Variants in PRKN observed in about 807,000 individuals in gnomAD.
PRKN encodes parkin RBR E3 ubiquitin protein ligase.
A neutral mutation model predicts 59.5 loss-of-function variants in PRKN; 56 were observed. The ratio of observed to expected loss-of-function variants is 0.94; its 90% confidence interval spans 0.76 to 1.18. PRKN has a LOEUF of 1.18. Among genes scored for constraint, PRKN ranks in the 50% most tolerant of loss-of-function variants. PRKN has a pLI of 0.00. For synonymous variants in PRKN, 250 were observed against 222.1 expected, an observed-to-expected ratio of 1.13 and a Z score of -1.12; for missense variants, 657 against 596.4, an observed-to-expected ratio of 1.10 and a Z score of -1.06.
chr6:161,965,356 T>C (rs1180171410), intron 6 of PRKN, among the ~76,000 whole-genome samples: 1 of 152,080 alleles, frequency 6.6e-6, no homozygotes, highest in Non-Finnish European at 1.5e-5. Flanking sequence ...TTAAATTTAA[T>C]GCCCAACAGG....
intron 9 of PRKN, among the ~76,000 whole-genome samples, chr6:161,515,926 G>A (rs1002190597): frequency 1.8e-4 from 28 of 152,240 alleles, no homozygotes; most frequent in East Asian, 1.7e-3. Context: ...GATAATTTCT[G>A]GCAAAGGAGA....
At chr6:162,434,610 A>G (rs1789686652) in intron 2 of PRKN, among the ~76,000 whole-genome samples, 1 of 152,202 alleles carries the variant, frequency 6.6e-6, no homozygotes, top group Non-Finnish European at 1.5e-5. Flanking sequence ...ATACTTTAAC[A>G]TAAACTATTA....
At chr6:162,176,566 G>A (rs528938355) in intron 4 of PRKN, among the ~76,000 whole-genome samples, 2 of 150,988 alleles carry the variant, frequency 1.3e-5, no homozygotes, top group East Asian at 3.9e-4. Context: ...ACATATGAAA[G>A]GAAATTTCAG....
At chr6:162,651,824 T>A (rs1158621779) in intron 1 of PRKN, among the ~76,000 whole-genome samples, 1 of 146,146 alleles carries the variant, frequency 6.8e-6, no homozygotes, top group African/African-American at 2.7e-5. Context: ...ATAATATTTC[T>A]AAATTGCTAT....
rs139962000 is a variant in PRKN at position 162,461,769 on chromosome 6, T to C, written c.8-18296A>G. On this transcript the variant is annotated intron_variant, in intron 1 of 11. Transcript: ENST00000366898. ...TGAACTTGGGAGGTGGAGGTTGCAG[T>C]GAGCCAAGATCACGCCACTGCACTG... Among the ~76,000 whole-genome samples the C allele has an allele frequency of 6.5e-3, 983 of 150,154 alleles. 10 individuals are homozygous for C. The highest frequency in any genetic ancestry group is 0.018 in the South Asian group (87 of 4,730).
In PRKN at chr6:161,949,117, T is replaced by C. The variant is rs771031000; in HGVS notation, c.734+24185A>G. On this transcript the variant is annotated intron_variant, in intron 6 of 11. Transcript: ENST00000366898. The stretch of plus-strand genomic sequence containing the variant: ...GGTGGACTTCAGCGGGGTAGTTCCA[T>C]GCAGGACATGATCCACACAACGCTA... Among the ~76,000 whole-genome samples, 87 of 152,114 alleles carry C rather than the reference T, an allele frequency of 5.7e-4. 2 individuals are homozygous for C. Among genetic ancestry groups the C allele is most frequent in the Admixed American group, 1.3e-4 (2 of 15,272 alleles).
At chr6:162,359,059 C>CAAAAAA (rs71692740) in intron 2 of PRKN, among the ~76,000 whole-genome samples, 2 of 92,596 alleles carry the variant, frequency 2.2e-5, no homozygotes, top group Admixed American at 1.2e-4. Flanking sequence ...CACACTGTGG[C>CAAAAAA]AAAAAAAAAA....
intron 9 of PRKN, among the ~76,000 whole-genome samples, chr6:161,436,832 C>CCT (rs957734919): frequency 6.6e-6 from 1 of 151,906 alleles, no homozygotes; most frequent in Non-Finnish European, 1.5e-5. Flanking sequence ...ATTGGCCTTT[C>CCT]CTCTCTCTCT....
intron 1 of PRKN, 96 bp from the exon 2 acceptor site, chr6:162,443,569 A>G: frequency 1.8e-6 from 2 of 1,094,654 alleles, no homozygotes; most frequent in Non-Finnish European, 2.8e-6. Context: ...TACCCCTCGC[A>G]GCCCTTCAGT....
intron 4 of PRKN, among the ~76,000 whole-genome samples, chr6:162,102,975 A>G (rs1780037643): frequency 6.6e-6 from 1 of 150,960 alleles, no homozygotes; most frequent in Non-Finnish European, 1.5e-5. Flanking sequence ...CCCGGGAGGC[A>G]GAGCTTGCAG....
At chr6:161,583,290 T>C (rs1192741820) in intron 7 of PRKN, among the ~76,000 whole-genome samples, 2 of 152,112 alleles carry the variant, frequency 1.3e-5, no homozygotes, top group African/African-American at 4.8e-5. Context: ...TTAGGACAAA[T>C]GGTGTTAAGC....
chr6:162,613,550 T>C (rs1330331423), intron 1 of PRKN, among the ~76,000 whole-genome samples: 1 of 152,222 alleles, frequency 6.6e-6, no homozygotes, highest in Non-Finnish European at 1.5e-5. Flanking sequence ...CCAAGACAGC[T>C]GAACTCTCAT....
Position 161,545,267 on chromosome 6 carries a change from T to A in PRKN, c.1083+3587A>T, listed in dbSNP as rs1779756657. The A allele has an allele frequency of 6.9e-7, 1 of 1,440,920 alleles. No homozygotes were observed. The highest frequency in any genetic ancestry group is 1.4e-5 in the African/African-American group (1 of 69,770). The allele number at this position is 1,440,920 out of a possible 1,614,324, so 89.3% of individuals were successfully genotyped here. ...TCACAGGCATCTTACAATAAATCTG[T>A]GAACCACATCCTGATAATCACTGGA... On this transcript the variant is annotated intron_variant, in intron 9 of 11. Coordinates refer to ENST00000366898, the MANE Select transcript of PRKN (RefSeq NM_004562.3). The surrounding 1 kb of genome is among the most constrained non-coding windows in gnomAD (Gnocchi z 4.1).
intron 6 of PRKN, among the ~76,000 whole-genome samples, chr6:161,966,306 G>A (rs1780577371): frequency 6.6e-6 from 1 of 150,968 alleles, no homozygotes; most frequent in Non-Finnish European, 1.5e-5. Flanking sequence ...ATCTTGATAA[G>A]GATTTTTCTA....
At chr6:161,873,269 C>A (rs1794419002) in intron 6 of PRKN, among the ~76,000 whole-genome samples, 1 of 151,874 alleles carries the variant, frequency 6.6e-6, no homozygotes, top group Admixed American at 6.6e-5. Context: ...CCTGTAGAAA[C>A]GGTCTCTCCT....
At position 161,461,368 on chromosome 6, in the gene PRKN, A is replaced by C. The variant is rs1413921932; in HGVS notation, c.1084-74491T>G. On this transcript the variant is annotated intron_variant, in intron 9 of 11. Coordinates refer to ENST00000366898, the MANE Select transcript of PRKN (RefSeq NM_004562.3). The surrounding 1 kb of genome is among the most constrained non-coding windows in gnomAD (Gnocchi z 5.1). ...CCAGAGGGTCCAGAAAACAAAGTAGATGGTCTTAAGGAGCTGAGGTTTTTA... is the reference window on the plus strand; with the variant it reads ...CCAGAGGGTCCAGAAAACAAAGTAGCTGGTCTTAAGGAGCTGAGGTTTTTA... Among the ~76,000 whole-genome samples the C allele has an allele frequency of 6.6e-6, 1 of 152,084 alleles. No individual in the cohort carries two copies. Among genetic ancestry groups the C allele is most frequent in the Non-Finnish European group, 1.5e-5 (1 of 68,016 alleles).
chr6:162,469,001 G>A (rs1272632060), intron 1 of PRKN, among the ~76,000 whole-genome samples: 1 of 152,074 alleles, frequency 6.6e-6, no homozygotes, highest in Non-Finnish European at 1.5e-5. Flanking sequence ...TCCTACCAAT[G>A]AATCCAAAAT....
intron 5 of PRKN, among the ~76,000 whole-genome samples, chr6:162,012,984 G>A (rs1362009084): frequency 1.3e-5 from 2 of 151,990 alleles, no homozygotes; most frequent in African/African-American, 2.4e-5. Context: ...TGTTTTCTGG[G>A]GCGACAAGGC....
intron 3 of PRKN, among the ~76,000 whole-genome samples, chr6:162,222,864 A>C (rs539571653): frequency 6.6e-6 from 1 of 151,920 alleles, no homozygotes; most frequent in East Asian, 1.9e-4. Context: ...TTTTATTATT[A>C]TTATACTTTA....
Sources: allele counts gnomAD v4.1 joint callset (sites outside exome capture counted in the v4.1 genomes callset), GRCh38; gene constraint gnomAD v4.1.1; non-coding constraint Gnocchi (gnomAD v3.1); transcripts MANE v1.5; gene names NCBI Gene and HGNC (gene_info 2026-07-23, HGNC 2026-07-21).